The following BORCS5 variants were observed in gnomAD, a reference collection of about 807,000 sequenced individuals.
BORCS5 encodes BLOC-1-related complex subunit 5.
Under a neutral mutation model 22.1 loss-of-function variants are expected in BORCS5, and 17 were observed. That is an observed-to-expected ratio of 0.77 (90% CI 0.53 to 1.15). The LOEUF is 1.15. BORCS5 is among the 50% of genes most tolerant of loss of function. BORCS5 has a pLI of 0.00. For synonymous variants in BORCS5, 117 were observed against 99.8 expected (o/e 1.17, Z -1.03); for missense variants, 247 against 253.2 (o/e 0.98, Z 0.17).
intron 2 of BORCS5, among the ~76,000 whole-genome samples, chr12:12,361,962 A>G (rs1863296303): frequency 6.6e-6 from 1 of 152,212 alleles, no homozygotes; most frequent in African/African-American, 2.4e-5. Flanking sequence ...TTGTATCTCT[A>G]TTAAGTAGTG....
intron 3 of BORCS5, among the ~76,000 whole-genome samples, chr12:12,455,607 T>C (rs1223918613): frequency 2.0e-5 from 3 of 152,112 alleles, no homozygotes; most frequent in Admixed American, 1.3e-4. Flanking sequence ...GGTGAAACGC[T>C]GTCTCTACTA....
Position 12,357,122 on chromosome 12 carries a change from A to C in BORCS5, c.-330A>C, listed in dbSNP as rs1301503789. The stretch of plus-strand genomic sequence containing the variant: ...CGAGCTTGCGGAGCGTGAACCAGTG[A>C]GTGAAAGCGGCGCCGCCCGCCGGCC... On this transcript the variant is annotated 5_prime_UTR_variant, in exon 1 of 4. Coordinates refer to ENST00000314565, the MANE Select transcript of BORCS5 (RefSeq NM_058169.6). The C allele has an allele frequency of 6.5e-7, 1 of 1,534,172 alleles. No individual in the cohort carries two copies. The highest frequency in any genetic ancestry group is 8.7e-7 in the Non-Finnish European group (1 of 1,146,096).
chr12:12,444,320 G>T (rs1592132586), intron 3 of BORCS5, among the ~76,000 whole-genome samples: 2 of 152,316 alleles, frequency 1.3e-5, no homozygotes, highest in South Asian at 4.1e-4. Context: ...CTTGTTCAAG[G>T]TGGGTGTTTC....
At chr12:12,441,832 C>T (rs979648198) in intron 3 of BORCS5, among the ~76,000 whole-genome samples, 4 of 151,828 alleles carry the variant, frequency 2.6e-5, no homozygotes, top group East Asian at 3.9e-4. Context: ...GTTTATTCTG[C>T]TTTGTGGATA....
At chr12:12,386,736 C>T (rs374916729) in intron 2 of BORCS5, among the ~76,000 whole-genome samples, 2 of 151,176 alleles carry the variant, frequency 1.3e-5, no homozygotes, top group African/African-American at 4.9e-5. Flanking sequence ...TCCCAAAGTG[C>T]TGGGATTACA....
At chr12:12,444,948 C>CA (rs961764433) in intron 3 of BORCS5, among the ~76,000 whole-genome samples, 7 of 151,796 alleles carry the variant, frequency 4.6e-5, no homozygotes, top group African/African-American at 7.3e-5. Flanking sequence ...ACAACAACAA[C>CA]AAAAAAAACT....
At position 12,467,372 on chromosome 12, in the gene BORCS5, A is replaced by G. The variant is rs1943220744; in HGVS notation, c.*1596A>G. The G allele has an allele frequency of 6.6e-6, 1 of 152,262 alleles. No homozygotes were observed. Among genetic ancestry groups the G allele is most frequent in the South Asian group, 2.1e-4 (1 of 4,834 alleles). 9.4% of individuals were successfully genotyped at this position (152,262 alleles called of 1,614,324 possible). On this transcript the variant is annotated 3_prime_UTR_variant, in exon 4 of 4. Transcript: ENST00000314565. ...CACATGAAAGCACAGAGTGGGTGGC[A>G]GTTCAAGCCTGCGAGGGCCGAGCCT... is the stretch of plus-strand genomic sequence containing the variant.
chr12:12,428,176 C>A lies in BORCS5; in HGVS notation c.203-7452C>A, dbSNP rs143079449. 4.3e-3 allele frequency among the ~76,000 whole-genome samples: 660 copies of A among 152,292 alleles called. 9 individuals are homozygous for A. The highest frequency in any genetic ancestry group is 0.015 in the African/African-American group (627 of 41,570). On this transcript the variant is annotated intron_variant, in intron 2 of 3. Transcript: ENST00000314565. ...CTAAGCCTCTCAGAGTTAAGGAATT[C>A]GGTTTGGTAATAGGCTAAGCTAATA...
intron 1 of BORCS5, among the ~76,000 whole-genome samples, chr12:12,359,361 ACT>A (rs1443886135): frequency 1.6e-5 from 2 of 124,720 alleles, no homozygotes; most frequent in African/African-American, 5.7e-5. Context: ...GTGAGACTTG[ACT>A]CTTTTTTTTT....
chr12:12,406,629 C>A (rs867311772), intron 2 of BORCS5, among the ~76,000 whole-genome samples: 7 of 118,380 alleles, frequency 5.9e-5, no homozygotes, highest in East Asian at 2.0e-4. Flanking sequence ...TCTCAAAAAA[C>A]CAAAAAACAA....
chr12:12,441,147 C>G (rs190329470), intron 3 of BORCS5, among the ~76,000 whole-genome samples: 1 of 152,122 alleles, frequency 6.6e-6, no homozygotes, highest in South Asian at 2.1e-4. Context: ...TGGCACAGAT[C>G]GGTCACACCC....
rs571234400 is a variant in BORCS5 at position 12,384,872 on chromosome 12, CTTTA to C, written c.202+23527_202+23530del. Among the ~76,000 whole-genome samples, 270 of 151,192 alleles carry C rather than the reference CTTTA, an allele frequency of 1.8e-3. 11 individuals carry two copies. The highest frequency in any genetic ancestry group is 3.4e-3 in the Middle Eastern group (1 of 290). ...AGCTGGGGGCCGTCTGGGCAGCTCT[CTTTA>C]TTTGTGTAGTCTCAGGTCCTCTCCA... On this transcript the variant is annotated intron_variant, in intron 2 of 3. Transcript: ENST00000314565.
intron 3 of BORCS5, among the ~76,000 whole-genome samples, chr12:12,453,951 G>C (rs915591538): frequency 6.6e-6 from 1 of 151,994 alleles, no homozygotes; most frequent in Non-Finnish European, 1.5e-5. Flanking sequence ...CCTTGTGTCT[G>C]GTTTCTTTTA....
intron 3 of BORCS5, among the ~76,000 whole-genome samples, chr12:12,459,829 CA>C (rs1943070660): frequency 6.6e-6 from 1 of 152,084 alleles, no homozygotes; most frequent in African/African-American, 2.4e-5. Flanking sequence ...ATCTTTGTAA[CA>C]ACAATAAAAA....
intron 2 of BORCS5, among the ~76,000 whole-genome samples, chr12:12,433,585 A>T (rs1477374698): frequency 6.6e-6 from 1 of 152,140 alleles, no homozygotes; most frequent in East Asian, 1.9e-4. Context: ...CCATTGAGGG[A>T]AATTGGGTAA....
chr12:12,371,747 C>T (rs1295542694), intron 2 of BORCS5, among the ~76,000 whole-genome samples: 4 of 152,302 alleles, frequency 2.6e-5, no homozygotes, highest in South Asian at 4.1e-4. Context: ...GACGCCAATT[C>T]GATGTTAGAC....
Position 12,466,720 on chromosome 12 carries a change from G to A in BORCS5, c.*944G>A, listed in dbSNP as rs968837531. The A allele has an allele frequency of 2.0e-5, 3 of 152,436 alleles. No homozygotes were observed. The highest frequency in any genetic ancestry group is 7.2e-5 in the African/African-American group (3 of 41,454). 9.4% of individuals were successfully genotyped at this position (152,436 alleles called of 1,614,324 possible). On this transcript the variant is annotated 3_prime_UTR_variant, in exon 4 of 4. Transcript: ENST00000314565. Reference sequence around the variant, plus strand: ...ACTGGAGAAGCAAAGAGTGGAATGTGAGGAGCAGACCTAGGCAGACACCTT... The same window carrying A: ...ACTGGAGAAGCAAAGAGTGGAATGTAAGGAGCAGACCTAGGCAGACACCTT...
rs948414510 is a variant in BORCS5, at chr12:12,466,274, T to C, written c.*498T>C. 2 of 152,542 alleles carry C rather than the reference T, an allele frequency of 1.3e-5. No individual in the cohort carries two copies. The highest frequency in any genetic ancestry group is 2.9e-5 in the Non-Finnish European group (2 of 68,372). The allele number at this position is 152,542 out of a possible 1,614,324, so 9.4% of individuals were successfully genotyped here. ...TGTTCCTGTTTCTACCCTGACTGTTTCCGTCACACCAAGCCCTTATCTGGG... is the reference window on the plus strand; with the variant it reads ...TGTTCCTGTTTCTACCCTGACTGTTCCCGTCACACCAAGCCCTTATCTGGG... On this transcript the variant is annotated 3_prime_UTR_variant, in exon 4 of 4. Transcript: ENST00000314565.
At chr12:12,382,871 T>C (rs1028390432) in intron 2 of BORCS5, among the ~76,000 whole-genome samples, 2 of 151,314 alleles carry the variant, frequency 1.3e-5, no homozygotes, top group African/African-American at 2.4e-5. Flanking sequence ...TTCAACTCTT[T>C]TGTGTCTTTG....
Sources: allele counts gnomAD v4.1 joint callset (sites outside exome capture counted in the v4.1 genomes callset), GRCh38; gene constraint gnomAD v4.1.1; transcripts MANE v1.5; gene names NCBI Gene and HGNC (gene_info 2026-07-23, HGNC 2026-07-21).